The following EXOC1 variants were observed in gnomAD, a reference collection of about 807,000 sequenced individuals.
The protein encoded by EXOC1 is SEC3-like 1.
In EXOC1, 67 loss-of-function variants were observed where a neutral mutation model predicts 107.7. The observed-to-expected ratio is 0.62, with a 90% CI of 0.51 to 0.76. The LOEUF is 0.76. Ranked by LOEUF, EXOC1 falls within the 30% of genes least tolerant of loss-of-function variation. The probability of loss-of-function intolerance (pLI) is 0.00; values close to 1 mark genes in which losing one functional copy is unlikely to be tolerated. For missense variants in EXOC1, 833 were observed against 1,055.7 expected (o/e 0.79, Z 2.92); for synonymous variants, 348 against 353.5 (o/e 0.98, Z 0.17).
intron 17 of EXOC1, 97 bp downstream of exon 17, chr4:55,899,981 A>T (rs1488662151): frequency 3.7e-6 from 4 of 1,071,554 alleles, no homozygotes; most frequent in African/African-American, 1.6e-5. Flanking sequence ...AAATTTTCTC[A>T]TGTGTTGGTG....
At chr4:55,903,191 G>A (rs1293402760) in intron 18 of EXOC1, among the ~76,000 whole-genome samples, 5 of 147,594 alleles carry the variant, frequency 3.4e-5, no homozygotes, top group African/African-American at 1.2e-4. Context: ...AAGAAAGAAA[G>A]AGAAAGAAAG....
At chr4:55,882,498 G>A (rs931170076) in intron 9 of EXOC1, among the ~76,000 whole-genome samples, 1 of 152,104 alleles carries the variant, frequency 6.6e-6, no homozygotes, top group African/African-American at 2.4e-5. Flanking sequence ...AATGAAATAG[G>A]AATTTTAATT....
In EXOC1 at chr4:55,890,284, T is replaced by C; in HGVS notation, c.1437T>C (p.Val479=). The change falls in exon 12 of 19, where the codon GTT becomes GTC. Residue 479 remains valine (V), a synonymous_variant. Transcript: ENST00000381295. ...GSTSSLNKLS[V]QSSGNRRSQS... is the part of the protein sequence containing the mutation. ...CTTCTAGTCTAAATAAGCTCAGTGT[T>C]CAGAGTTCAGGGAATCGCAGATCTC... is the stretch of plus-strand genomic sequence containing the variant. 1 of 1,614,066 alleles carries C rather than the reference T, an allele frequency of 6.2e-7. No homozygotes were observed. The highest frequency in any genetic ancestry group is 8.5e-7 in the Non-Finnish European group (1 of 1,179,958).
At chr4:55,870,581 C>A in intron 5 of EXOC1, 97 bp from the exon 6 acceptor site, 1 of 1,177,662 alleles carries the variant, frequency 8.5e-7, no homozygotes. Flanking sequence ...GGAAATTTAG[C>A]AACATTTCAC....
At position 55,868,520 on chromosome 4, in the gene EXOC1, T is replaced by C. The variant is rs1553874816; in HGVS notation, c.600T>C (p.Asp200=). The change falls in exon 5 of 19, where the codon GAT becomes GAC. Residue 200 remains aspartate, a synonymous_variant. Coordinates refer to ENST00000381295, the MANE Select transcript of EXOC1 (RefSeq NM_001024924.2). ...EKLSRELQVL[D]GANIQSIMAS... is the part of the protein sequence containing the mutation. Reference sequence around the variant, plus strand: ...TGTCCAGAGAGCTGCAGGTGCTAGATGGGGTAAGACTTTCCTGAATTCTAT... The same window carrying C: ...TGTCCAGAGAGCTGCAGGTGCTAGACGGGGTAAGACTTTCCTGAATTCTAT... 7 of 1,613,184 alleles carry C rather than the reference T, an allele frequency of 4.3e-6. No individual in the cohort carries two copies. The highest frequency in any genetic ancestry group is 1.7e-5 in the Admixed American group (1 of 59,974).
intron 16 of EXOC1, 146 bp from the exon 17 acceptor site, chr4:55,899,539 A>G (rs1046280300): frequency 6.4e-6 from 4 of 627,518 alleles, no homozygotes; most frequent in Non-Finnish European, 7.9e-6. Flanking sequence ...AGATCTGAAG[A>G]CTCCCATTAC....
rs1479448028 is a variant in EXOC1 at position 55,867,580 on chromosome 4, AT to A, written c.416-755del. Among the ~76,000 whole-genome samples, 3 of 151,812 alleles carry A rather than the reference AT, an allele frequency of 2.0e-5. No individual in the cohort carries two copies. In the East Asian group the frequency reaches 5.8e-4, roughly 29 times the overall value. On this transcript the variant is annotated intron_variant, in intron 4 of 18. Coordinates refer to ENST00000381295, the MANE Select transcript of EXOC1 (RefSeq NM_001024924.2). ...GTATTTCCTCAAAAAAAAAAAAAAA[AT>A]GAACTGAAACATCTAGAAAGCATTT...
At chr4:55,881,452 T>C (rs1040397995) in intron 9 of EXOC1, among the ~76,000 whole-genome samples, 2 of 152,202 alleles carry the variant, frequency 1.3e-5, no homozygotes, top group Non-Finnish European at 2.9e-5. Flanking sequence ...AAGTTTATTT[T>C]GCCAAAGTTA....
chr4:55,887,800 C>CCTTAAGGCACCA (rs950193990), intron 10 of EXOC1, among the ~76,000 whole-genome samples: 3 of 151,878 alleles, frequency 2.0e-5, no homozygotes, highest in African/African-American at 2.4e-5. Flanking sequence ...CATAGTGACA[C>CCTTAAGGCACCA]CTTAAGGCAC....
Position 55,904,334 on chromosome 4 carries a change from T to TA in EXOC1, c.2533-7dup, listed in dbSNP as rs1726378549. On this transcript the variant is annotated splice_polypyrimidine_tract_variant and intron_variant, in intron 18 of 18. Transcript: ENST00000381295. ...TTCATAGCCTAATGACTTTTTTTTT[T>TA]AATAATAGGTGGTGTGGCACTCCAT... 4 of 1,581,660 alleles carry TA rather than the reference T, an allele frequency of 2.5e-6. No homozygotes were observed. The South Asian group carries it at 3.5e-5, about 14-fold the overall frequency.
chr4:55,855,994 G>A (rs1720929725), intron 1 of EXOC1, among the ~76,000 whole-genome samples: 1 of 152,180 alleles, frequency 6.6e-6, no homozygotes, highest in African/African-American at 2.4e-5. Context: ...AGATTGTTAA[G>A]TCATTTGCAG....
intron 15 of EXOC1, among the ~76,000 whole-genome samples, chr4:55,895,160 G>T (rs1725056996): frequency 6.6e-6 from 1 of 151,908 alleles, no homozygotes; most frequent in South Asian, 2.1e-4. Flanking sequence ...TCTTATTTTT[G>T]ATAAGATCTT....
chr4:55,858,595 G>A, intron 2 of EXOC1, 148 bp downstream of exon 2: 1 of 762,136 alleles, frequency 1.3e-6, no homozygotes. Context: ...GCTTTGACAG[G>A]CTGTTAATTG....
intron 16 of EXOC1, among the ~76,000 whole-genome samples, chr4:55,898,022 C>A (rs975280383): frequency 3.9e-5 from 6 of 152,080 alleles, no homozygotes; most frequent in African/African-American, 1.4e-4. Context: ...TTGGAAGGAC[C>A]AGTTGGGGGA....
chr4:55,875,581 T>C (rs953974985), intron 8 of EXOC1: 110 of 985,070 alleles, frequency 1.1e-4, no homozygotes, highest in Non-Finnish European at 1.3e-4. Context: ...TTAATTGACA[T>C]TTGTGCCTGA....
At chr4:55,900,407 T>C (rs2109507882) in intron 17 of EXOC1, among the ~76,000 whole-genome samples, 1 of 152,348 alleles carries the variant, frequency 6.6e-6, no homozygotes, top group Middle Eastern at 3.4e-3. Context: ...ACATTGCCTT[T>C]TACTTTTCTT....
chr4:55,895,129 G>A (rs751227612), intron 15 of EXOC1, among the ~76,000 whole-genome samples: 11 of 152,064 alleles, frequency 7.2e-5, no homozygotes, highest in Non-Finnish European at 1.2e-4. Flanking sequence ...TCATACTTCT[G>A]TATATCTTAT....
chr4:55,899,800 A>G lies in EXOC1; in HGVS notation c.2253A>G (p.Glu751=), dbSNP rs779534265. 1 of 1,613,626 alleles carries G rather than the reference A, an allele frequency of 6.2e-7. No homozygotes were observed. Among genetic ancestry groups the G allele is most frequent in the South Asian group, 1.1e-5 (1 of 91,068 alleles). ...SRLKISCLEA[E]KKEAKQKYTD... is the part of the protein sequence containing the mutation. The stretch of plus-strand genomic sequence containing the variant: ...TGAAAATCTCATGTCTAGAAGCAGA[A>G]AAAAAAGAAGCCAAACAAAAATACA... Residue 751 remains glutamate (E), a synonymous_variant, in exon 17 of 19, where the codon GAA becomes GAG. Transcript: ENST00000381295.
At chr4:55,865,746 A>T (rs1317710181) in intron 4 of EXOC1, among the ~76,000 whole-genome samples, 2 of 152,146 alleles carry the variant, frequency 1.3e-5, no homozygotes, top group Non-Finnish European at 2.9e-5. Flanking sequence ...TACATACCCT[A>T]CCTGGATCTG....
Sources: gnomAD v4.1 joint callset for allele counts (sites outside exome capture counted in the v4.1 genomes callset) on GRCh38, gnomAD v4.1.1 for gene constraint, MANE v1.5 for transcripts, NCBI Gene and HGNC (gene_info 2026-07-23, HGNC 2026-07-21) for gene names.